The following ARSB variants were observed in gnomAD, a reference collection of about 807,000 sequenced individuals.
ARSB encodes the protein arylsulfatase B, also known as N-acetylgalactosamine-4-sulfatase.
Under a neutral mutation model 50.9 loss-of-function variants are expected in ARSB, and 41 were observed. The ratio of observed to expected loss-of-function variants is 0.81; its 90% CI spans 0.63 to 1.04. ARSB has a LOEUF of 1.04. Among genes scored for constraint, ARSB ranks in the 50% least tolerant of loss-of-function variants. The probability of loss-of-function intolerance (pLI) is 0.00; values close to 1 mark genes in which losing one functional copy is unlikely to be tolerated. For missense variants in ARSB, 672 were observed against 693.3 expected (o/e 0.97, Z 0.35); for synonymous variants, 269 against 284.8 (o/e 0.94, Z 0.56).
intron 4 of ARSB, among the ~76,000 whole-genome samples, chr5:78,947,976 G>A (rs1010696127): frequency 6.6e-6 from 1 of 152,096 alleles, no homozygotes; most frequent in Non-Finnish European, 1.5e-5. Flanking sequence ...GATCAACCAC[G>A]TGCAACAACA....
rs182136598 is a variant in ARSB at position 78,836,850 on chromosome 5, G to T, written c.1213+2506C>A. Among the ~76,000 whole-genome samples, 3 of 152,276 alleles carry T rather than the reference G, an allele frequency of 2.0e-5. No individual in the cohort carries two copies. The Middle Eastern group carries it at 0.01, about 518-fold the overall frequency. Reference sequence around the variant, plus strand: ...CACAGGCTGTACAGGAATCATGGCTGGGGAGGCCTCAGGAACTTACAATCA... The same window carrying T: ...CACAGGCTGTACAGGAATCATGGCTTGGGAGGCCTCAGGAACTTACAATCA... On this transcript the variant is annotated intron_variant, in intron 6 of 7. Coordinates refer to ENST00000264914, the MANE Select transcript of ARSB (RefSeq NM_000046.5).
intron 5 of ARSB, among the ~76,000 whole-genome samples, chr5:78,849,621 G>A (rs960572651): frequency 4.9e-4 from 75 of 151,836 alleles, no homozygotes; most frequent in Non-Finnish European, 7.8e-4. Context: ...GCTTGATGGG[G>A]ATGGCATTGA....
intron 4 of ARSB, among the ~76,000 whole-genome samples, chr5:78,911,174 AAGGACTGTAGCTACT>A (rs548251195): frequency 6.6e-6 from 1 of 152,272 alleles, no homozygotes; most frequent in East Asian, 1.9e-4. Flanking sequence ...TAAATTATAA[AAGGACTGTAGCTACT>A]TTCTGAAAGG....
rs1448415173 is a variant in ARSB at position 78,914,031 on chromosome 5, T to C, written c.899-28204A>G. 1.5e-4 allele frequency among the ~76,000 whole-genome samples: 23 copies of C among 151,346 alleles called. 1 individual carries two copies. Among genetic ancestry groups the C allele is most frequent in the Admixed American group, 1.5e-3 (23 of 15,164 alleles). On this transcript the variant is annotated intron_variant, in intron 4 of 7. Transcript: ENST00000264914. ...AGGCAGGAGTGCGGTGGTGCAATCA[T>C]AGTACGTTGTAACCTCAAACTCCTG... is the stretch of plus-strand genomic sequence containing the variant.
intron 5 of ARSB, among the ~76,000 whole-genome samples, chr5:78,852,970 CA>C (rs1490957090): frequency 6.6e-6 from 1 of 152,116 alleles, no homozygotes; most frequent in Non-Finnish European, 1.5e-5. Context: ...AAATTTTTTT[CA>C]AAGTTTTTAA....
intron 5 of ARSB, among the ~76,000 whole-genome samples, chr5:78,868,807 T>C (rs1038746506): frequency 4.9e-5 from 7 of 142,394 alleles, no homozygotes; most frequent in Non-Finnish European, 9.0e-5. Context: ...AATTCACACA[T>C]AACAATATTA....
At chr5:78,959,119 C>A (rs1318711412) in intron 3 of ARSB, among the ~76,000 whole-genome samples, 1 of 152,124 alleles carries the variant, frequency 6.6e-6, no homozygotes, top group Non-Finnish European at 1.5e-5. Context: ...GTGGTTACCC[C>A]CATACTGTTC....
At chr5:78,917,066 G>A (rs1287035948) in intron 4 of ARSB, among the ~76,000 whole-genome samples, 1 of 152,224 alleles carries the variant, frequency 6.6e-6, no homozygotes, top group Non-Finnish European at 1.5e-5. Context: ...GGAAAAGGGA[G>A]AGGGTGCAGA....
intron 6 of ARSB, among the ~76,000 whole-genome samples, chr5:78,791,009 T>C (rs1254785917): frequency 6.6e-6 from 1 of 152,252 alleles, no homozygotes. Context: ...CTGCCATTCA[T>C]TTCTACTGAG....
chr5:78,871,618 GA>G (rs1747181803), intron 5 of ARSB, among the ~76,000 whole-genome samples: 1 of 144,832 alleles, frequency 6.9e-6, no homozygotes, highest in Non-Finnish European at 1.5e-5. Context: ...GCCATATGTA[GA>G]AAGCTGAAAC....
At chr5:78,906,341 A>G (rs1200816410) in intron 4 of ARSB, among the ~76,000 whole-genome samples, 1 of 152,124 alleles carries the variant, frequency 6.6e-6, no homozygotes, top group East Asian at 1.9e-4. Flanking sequence ...TCAAAAAATT[A>G]AAAGAAAAGA....
intron 6 of ARSB, among the ~76,000 whole-genome samples, chr5:78,797,402 G>C (rs1012647624): frequency 1.4e-4 from 22 of 152,188 alleles, no homozygotes; most frequent in African/African-American, 4.8e-4. Context: ...AACCCAGACT[G>C]TTGTTTTGTG....
chr5:78,779,530 C>G lies in ARSB; in HGVS notation c.*867G>C, dbSNP rs886361824. ...CCCACCCAGCCCTCTTAGTGTCTAC[C>G]ATGAACATCCTCACAGAGCAACTCC... On this transcript the variant is annotated 3_prime_UTR_variant, in exon 8 of 8. Coordinates refer to ENST00000264914, the MANE Select transcript of ARSB (RefSeq NM_000046.5). The G allele has an allele frequency of 6.6e-6, 1 of 152,266 alleles. No individual in the cohort carries two copies. The highest frequency in any genetic ancestry group is 6.5e-5 in the Admixed American group (1 of 15,282). The allele number at this position is 152,266 out of a possible 1,614,324, so 9.4% of individuals were successfully genotyped here.
chr5:78,892,422 A>G (rs1183149481), intron 4 of ARSB, among the ~76,000 whole-genome samples: 3 of 151,748 alleles, frequency 2.0e-5, no homozygotes, highest in Non-Finnish European at 4.4e-5. Flanking sequence ...TGCCCAGCTA[A>G]TTTTTGCATT....
chr5:78,791,611 T>C (rs1037417929), intron 6 of ARSB, among the ~76,000 whole-genome samples: 1 of 152,230 alleles, frequency 6.6e-6, no homozygotes, highest in South Asian at 2.1e-4. Context: ...AGTCTGCTCA[T>C]GGTTTTGAAT....
At chr5:78,960,513 G>A (rs1751934139) in intron 3 of ARSB, among the ~76,000 whole-genome samples, 1 of 152,140 alleles carries the variant, frequency 6.6e-6, no homozygotes, top group Non-Finnish European at 1.5e-5. Context: ...AGTAGATCAG[G>A]TGTATAACAT....
chr5:78,817,589 A>T (rs1177441750), intron 6 of ARSB, among the ~76,000 whole-genome samples: 6 of 152,092 alleles, frequency 3.9e-5, no homozygotes, highest in Admixed American at 3.9e-4. Flanking sequence ...GGGGTGAATC[A>T]CCTAAGGTCA....
intron 4 of ARSB, among the ~76,000 whole-genome samples, chr5:78,934,398 T>C (rs369272092): frequency 6.6e-6 from 1 of 152,164 alleles, no homozygotes; most frequent in African/African-American, 2.4e-5. Flanking sequence ...CTGTTTAGTA[T>C]AATAAAAATA....
rs73126662 is a variant in ARSB, at chr5:78,906,512, G to A, written c.899-20685C>T. 9.3e-3 allele frequency among the ~76,000 whole-genome samples: 1,410 copies of A among 152,002 alleles called. 25 individuals carry two copies. Among genetic ancestry groups the A allele is most frequent in the African/African-American group, 0.032 (1,343 of 41,436 alleles). On this transcript the variant is annotated intron_variant, in intron 4 of 7. Transcript: ENST00000264914. ...TCTTAGGTCAAAGCCAAGAGATAGA[G>A]GAGAGAAAATAAACCTCCAAAACTC... is the stretch of plus-strand genomic sequence containing the variant.
Sources: gnomAD v4.1 joint callset for allele counts (sites outside exome capture counted in the v4.1 genomes callset) on GRCh38, gnomAD v4.1.1 for gene constraint, MANE v1.5 for transcripts, NCBI Gene and HGNC (gene_info 2026-07-23, HGNC 2026-07-21) for gene names.